The following NECTIN3 variants were observed in gnomAD, a reference collection of about 807,000 sequenced individuals.
The protein encoded by NECTIN3 is nectin-3.
Under a neutral mutation model 49.4 loss-of-function variants are expected in NECTIN3, and 8 were observed. The ratio of observed to expected loss-of-function variants is 0.16; its 90% CI spans 0.10 to 0.29. The LOEUF (loss-of-function observed/expected upper bound fraction) is 0.29, where lower values mean the gene tolerates loss of function less well. NECTIN3 is among the 10% of genes least tolerant of loss of function. The pLI is 1.00. For missense variants in NECTIN3, 581 were observed against 654.6 expected, an observed-to-expected ratio of 0.89 and a Z score of 1.23; for synonymous variants, 277 against 241.1, an observed-to-expected ratio of 1.15 and a Z score of -1.38.
At chr3:111,093,401 G>A (rs538648578) in intron 1 of NECTIN3, among the ~76,000 whole-genome samples, 1 of 149,450 alleles carries the variant, frequency 6.7e-6, no homozygotes, top group African/African-American at 2.4e-5. Flanking sequence ...AAGTATTAAT[G>A]TGTGTGGTTT....
chr3:111,150,279 T>A (rs2034972644), intron 7 of NECTIN3, among the ~76,000 whole-genome samples: 1 of 151,724 alleles, frequency 6.6e-6, no homozygotes, highest in African/African-American at 2.4e-5. Context: ...TAAAAGCTTT[T>A]CAATCGCTTG....
intron 5 of NECTIN3, among the ~76,000 whole-genome samples, chr3:111,131,309 GA>G (rs1461010931): frequency 1.3e-5 from 2 of 152,008 alleles, no homozygotes; most frequent in African/African-American, 4.8e-5. Context: ...CAAAGAGTAT[GA>G]AAAATAATAT....
chr3:111,150,531 C>G (rs907426630), intron 7 of NECTIN3, among the ~76,000 whole-genome samples: 1 of 151,940 alleles, frequency 6.6e-6, no homozygotes, highest in African/African-American at 2.4e-5. Flanking sequence ...GCATAAAGTA[C>G]TTGTATGAAT....
intron 7 of NECTIN3, among the ~76,000 whole-genome samples, chr3:111,155,293 A>T (rs1210236326): frequency 2.6e-5 from 4 of 152,190 alleles, no homozygotes; most frequent in Admixed American, 2.6e-4. Context: ...TATGATAACA[A>T]TGTAGTGCCA....
intron 7 of NECTIN3, among the ~76,000 whole-genome samples, chr3:111,162,148 C>T (rs932173636): frequency 2.0e-5 from 3 of 151,948 alleles, no homozygotes; most frequent in Non-Finnish European, 4.4e-5. Context: ...GGGTGGGTCA[C>T]GCTTTGTGAT....
chr3:111,112,288 T>C lies in NECTIN3; in HGVS notation c.419T>C (p.Phe140Ser), dbSNP rs2033504567. Residue 140 changes from phenylalanine (F) to serine (S), a missense_variant, in exon 2 of 6, where the codon TTC becomes TCC. Physicochemically the swap from Phe to Ser is radical, Grantham distance 155. Transcript: ENST00000485303. ...ACAATTACTCTGCATAACATAGGAT[T>C]CTCTGATTCTGGAAAATACATCTGC... The part of the protein sequence containing the change: ...DATITLHNIG[F>S]SDSGKYICKA... 1.2e-6 allele frequency: 2 copies of C among 1,613,768 alleles called. No individual in the cohort carries two copies. Among genetic ancestry groups the C allele is most frequent in the Non-Finnish European group, 1.7e-6 (2 of 1,179,790 alleles).
At chr3:111,153,879 G>C (rs2035046509) in intron 7 of NECTIN3, among the ~76,000 whole-genome samples, 1 of 151,940 alleles carries the variant, frequency 6.6e-6, no homozygotes, top group African/African-American at 2.4e-5. Context: ...CTAGCACTGA[G>C]AATATGTAGT....
chr3:111,090,829 A>G (rs1425793365), intron 1 of NECTIN3, among the ~76,000 whole-genome samples: 1 of 526 alleles, frequency 1.9e-3, no homozygotes, highest in Non-Finnish European at 4.1e-3. Context: ...TAGGTTGGTG[A>G]AAAGTGATTG....
chr3:111,127,832 T>C (rs2107482137), intron 5 of NECTIN3, among the ~76,000 whole-genome samples: 1 of 152,232 alleles, frequency 6.6e-6, no homozygotes, highest in East Asian at 1.9e-4. Context: ...CCTCCTAAAG[T>C]GCTGGGATTA....
At chr3:111,162,081 T>C (rs1444983349) in intron 7 of NECTIN3, among the ~76,000 whole-genome samples, 1 of 152,178 alleles carries the variant, frequency 6.6e-6, no homozygotes, top group East Asian at 1.9e-4. Flanking sequence ...CCTTTCCTTG[T>C]AGATTCTTAA....
At chr3:111,080,985 T>G (rs1331360740) in intron 1 of NECTIN3, among the ~76,000 whole-genome samples, 2 of 152,262 alleles carry the variant, frequency 1.3e-5, no homozygotes, top group East Asian at 1.9e-4. Flanking sequence ...TTTAAACATA[T>G]TTAAAACACA....
chr3:111,176,953 C>T (rs1304163033), intron 7 of NECTIN3, among the ~76,000 whole-genome samples: 1 of 152,060 alleles, frequency 6.6e-6, no homozygotes, highest in Non-Finnish European at 1.5e-5. Flanking sequence ...TAGTATATAG[C>T]CTGTTGTTTT....
chr3:111,183,518 TG>T (rs2035664843), intron 7 of NECTIN3, among the ~76,000 whole-genome samples: 1 of 152,144 alleles, frequency 6.6e-6, no homozygotes, highest in African/African-American at 2.4e-5. Context: ...TTTACCATGT[TG>T]GCCAGGCTGG....
chr3:111,158,624 G>A (rs1308829984), intron 7 of NECTIN3, among the ~76,000 whole-genome samples: 1 of 151,604 alleles, frequency 6.6e-6, no homozygotes, highest in Non-Finnish European at 1.5e-5. Context: ...TTTTACTATG[G>A]TTATTTCCCA....
chr3:111,141,883 A>T (rs533729461), downstream of NECTIN3, among the ~76,000 whole-genome samples: 12 of 152,074 alleles, frequency 7.9e-5, no homozygotes, highest in African/African-American at 2.9e-4. Context: ...GTGTTTAAAA[A>T]TGCCATGTTT....
chr3:111,085,440 A>G (rs1465391679), intron 1 of NECTIN3, among the ~76,000 whole-genome samples: 1 of 152,222 alleles, frequency 6.6e-6, no homozygotes, highest in Non-Finnish European at 1.5e-5. Flanking sequence ...TGACGTATAC[A>G]TCAGAAAAAT....
chr3:111,147,588 AAGTGTTGTTTAGT>A, intron 7 of NECTIN3: 1 of 988,228 alleles, frequency 1.0e-6, no homozygotes, highest in East Asian at 2.7e-5. Flanking sequence ...ATTATGCATT[AAGTGTTGTTTAGT>A]CATTATGCAT....
At chr3:111,173,959 A>T (rs1306313964) in intron 7 of NECTIN3, among the ~76,000 whole-genome samples, 1 of 152,042 alleles carries the variant, frequency 6.6e-6, no homozygotes, top group Non-Finnish European at 1.5e-5. Flanking sequence ...CATCATCATT[A>T]TCATTATCGT....
At chr3:111,143,881 CTTTA>C (rs2034810884) in intron 5 of NECTIN3, among the ~76,000 whole-genome samples, 1 of 151,908 alleles carries the variant, frequency 6.6e-6, no homozygotes, top group Non-Finnish European at 1.5e-5. Flanking sequence ...GCTGCAATAT[CTTTA>C]TTTATAGAAT....
Sources: gnomAD v4.1 joint callset for allele counts (sites outside exome capture counted in the v4.1 genomes callset) on GRCh38, gnomAD v4.1.1 for gene constraint, MANE v1.5 for transcripts, NCBI Gene and HGNC (gene_info 2026-07-23, HGNC 2026-07-21) for gene names.